KPNA3: variants seen among roughly 807,000 people sequenced by gnomAD.
KPNA3 encodes karyopherin subunit alpha 3, also known as importin subunit alpha-4.
A neutral mutation model predicts 73.8 loss-of-function variants in KPNA3; 13 were observed. The observed-to-expected ratio is 0.18, with a 90% CI of 0.11 to 0.28. The LOEUF (loss-of-function observed/expected upper bound fraction) is 0.28. Ranked by LOEUF, KPNA3 falls within the 10% of genes least tolerant of loss-of-function variation. KPNA3 has a pLI of 1.00. For synonymous variants in KPNA3, 186 were observed against 206.9 expected (o/e 0.90, Z 0.87); for missense variants, 360 against 618.1 (o/e 0.58, Z 4.43).
intron 1 of KPNA3, among the ~76,000 whole-genome samples, chr13:49,749,232 C>T (rs959681937): frequency 9.2e-5 from 14 of 152,194 alleles, no homozygotes; most frequent in Admixed American, 6.5e-5. Context: ...GGAAACCACA[C>T]TTAAGAGGTG....
At position 49,705,715 on chromosome 13, in the gene KPNA3, T is replaced by C. The variant is rs1158602481; in HGVS notation, c.1278A>G (p.Gln426=). 6.2e-7 allele frequency: 1 copy of C among 1,614,086 alleles called. No individual in the cohort carries two copies. The highest frequency in any genetic ancestry group is 8.5e-7 in the Non-Finnish European group (1 of 1,179,926). Residue 426 remains glutamine, a synonymous_variant, in exon 15 of 17, where the codon CAA becomes CAG. Transcript: ENST00000261667. The part of the protein sequence containing the change: ...FCNLLSVKDS[Q]VVQVVLDGLK... ...GACCATCTAGAACCACCTGAACCAC[T>C]TGAGAATCTTTCACTGACAGTAAAT...
rs183925329 is a variant in KPNA3, at chr13:49,775,647, C to T, written c.69+16791G>A. 1.1e-3 allele frequency among the ~76,000 whole-genome samples: 175 copies of T among 152,266 alleles called. 1 individual carries two copies. Among genetic ancestry groups the T allele is most frequent in the African/African-American group, 4.0e-3 (168 of 41,564 alleles). On this transcript the variant is annotated intron_variant, in intron 1 of 16. Coordinates refer to ENST00000261667, the MANE Select transcript of KPNA3 (RefSeq NM_002267.4). ...CAAATCTCTAAGGCTGTAATTCACACCTATCTTTTCTCTGTGTTCCCAAAC... is the reference window on the plus strand; with the variant it reads ...CAAATCTCTAAGGCTGTAATTCACATCTATCTTTTCTCTGTGTTCCCAAAC...
chr13:49,723,887 A>C (rs577768590), intron 7 of KPNA3, among the ~76,000 whole-genome samples: 1 of 151,398 alleles, frequency 6.6e-6, no homozygotes, highest in African/African-American at 2.4e-5. Context: ...AAAAAAAAGA[A>C]AAGAAAAAAG....
At chr13:49,750,123 CA>C (rs764362635) in intron 1 of KPNA3, among the ~76,000 whole-genome samples, 10 of 152,164 alleles carry the variant, frequency 6.6e-5, no homozygotes, top group Non-Finnish European at 1.5e-4. Context: ...ATACATTGGG[CA>C]ATACATTTGC....
chr13:49,792,453 C>G lies in KPNA3; in HGVS notation c.54G>C (p.Lys18Asn), dbSNP rs779399471. Residue 18 changes from lysine (K) to asparagine (N), a missense_variant, in exon 1 of 17, where the codon AAG becomes AAC. By Grantham distance (94) the Lys-to-Asn change is moderately conservative. Transcript: ENST00000261667. The part of the protein sequence containing the change: ...ENHRIKSFKN[K>N]GRDVETMRRH... ...GCACACTCACTTCCACATCGCGGCCCTTGTTCTTGAAGCTCTTGATGCGGT... is the reference window on the plus strand; with the variant it reads ...GCACACTCACTTCCACATCGCGGCCGTTGTTCTTGAAGCTCTTGATGCGGT... 6.3e-7 allele frequency: 1 copy of G among 1,580,232 alleles called. No individual in the cohort carries two copies. Among genetic ancestry groups the G allele is most frequent in the Non-Finnish European group, 8.6e-7 (1 of 1,165,020 alleles).
chr13:49,740,691 T>TTA (rs1954565835), intron 2 of KPNA3, among the ~76,000 whole-genome samples: 2 of 152,190 alleles, frequency 1.3e-5, no homozygotes, highest in South Asian at 4.1e-4. Flanking sequence ...AGGTATGTCT[T>TTA]TATCAGCAAC....
At chr13:49,789,411 C>A (rs1471988693) in intron 1 of KPNA3, among the ~76,000 whole-genome samples, 3 of 152,088 alleles carry the variant, frequency 2.0e-5, no homozygotes, top group African/African-American at 7.2e-5. Flanking sequence ...AATTTTCTTC[C>A]TCAACCCTCT....
chr13:49,751,577 A>T (rs998748655), intron 1 of KPNA3, among the ~76,000 whole-genome samples: 1 of 152,174 alleles, frequency 6.6e-6, no homozygotes, highest in African/African-American at 2.4e-5. Context: ...CACACAAAAA[A>T]TGTCATCAGA....
rs368388227 is a variant in KPNA3, at chr13:49,709,435, C to T, written c.1032+137G>A. 222 of 584,962 alleles carry T rather than the reference C, an allele frequency of 3.8e-4. 5 individuals are homozygous for T. The South Asian group carries it at 6.6e-3, about 17-fold the overall frequency. 36.2% of individuals were successfully genotyped at this position (584,962 alleles called of 1,614,324 possible). A position where few individuals can be genotyped will look rare whatever the true frequency, so the allele number is the denominator to read the frequency against. On this transcript the variant is annotated intron_variant, in intron 12 of 16. Transcript: ENST00000261667. The stretch of plus-strand genomic sequence containing the variant: ...AAAAAAAGTTGAAGAAAAACATTTG[C>T]AGAGGTGATTTAAAATAATTCTCAT...
intron 1 of KPNA3, among the ~76,000 whole-genome samples, chr13:49,769,170 C>G (rs867831141): frequency 6.6e-6 from 1 of 152,314 alleles, no homozygotes; most frequent in South Asian, 2.1e-4. Context: ...TGCACCATTA[C>G]TAGAAGCCAG....
chr13:49,724,851 C>A (rs1454197387), intron 7 of KPNA3, among the ~76,000 whole-genome samples: 1 of 152,214 alleles, frequency 6.6e-6, no homozygotes, highest in Admixed American at 6.5e-5. Context: ...CTTGCCTTAG[C>A]CTCCCAAAGT....
intron 2 of KPNA3, among the ~76,000 whole-genome samples, chr13:49,741,700 C>T (rs1438605221): frequency 2.0e-5 from 3 of 152,166 alleles, no homozygotes; most frequent in African/African-American, 2.4e-5. Flanking sequence ...GTGATCCGCC[C>T]GCCTCGGCCT....
At chr13:49,738,697 C>G (rs1028558308) in intron 2 of KPNA3, among the ~76,000 whole-genome samples, 1 of 152,188 alleles carries the variant, frequency 6.6e-6, no homozygotes, top group African/African-American at 2.4e-5. Context: ...TGTGACCTTG[C>G]TAAACTCACC....
intron 1 of KPNA3, among the ~76,000 whole-genome samples, chr13:49,752,477 T>C (rs1954671297): frequency 6.6e-6 from 1 of 152,098 alleles, no homozygotes; most frequent in South Asian, 2.1e-4. Flanking sequence ...ATTGAAAGCC[T>C]ACTGAAAAGA....
At chr13:49,792,389 C>T in intron 1 of KPNA3, 49 bp downstream of exon 1, 2 of 1,420,544 alleles carry the variant, frequency 1.4e-6, no homozygotes, top group East Asian at 5.7e-5. Context: ...CTCCCCGCGT[C>T]GCCGGGCCGG....
intron 1 of KPNA3, among the ~76,000 whole-genome samples, chr13:49,790,368 A>G (rs1955022794): frequency 6.6e-6 from 1 of 152,192 alleles, no homozygotes; most frequent in Non-Finnish European, 1.5e-5. Flanking sequence ...TTGGGAGGCC[A>G]TGGTGGGAAG....
At chr13:49,729,004 C>T (rs563229413) in intron 6 of KPNA3, among the ~76,000 whole-genome samples, 12 of 152,220 alleles carry the variant, frequency 7.9e-5, no homozygotes, top group East Asian at 5.8e-4. Flanking sequence ...AAAAAGACTG[C>T]GCTGACATGG....
chr13:49,768,232 T>TCG (rs1440791418), intron 1 of KPNA3, among the ~76,000 whole-genome samples: 1 of 140,384 alleles, frequency 7.1e-6, no homozygotes, highest in Admixed American at 7.8e-5. Context: ...TGAGCCAAGA[T>TCG]CGCGCCACTG....
chr13:49,704,373 TTACAC>T (rs1250217869), intron 15 of KPNA3, among the ~76,000 whole-genome samples: 2 of 149,310 alleles, frequency 1.3e-5, no homozygotes, highest in Non-Finnish European at 3.0e-5. Flanking sequence ...CGGTGAGCCA[TTACAC>T]TCCAGCCTGG....
Sources: allele counts gnomAD v4.1 joint callset (sites outside exome capture counted in the v4.1 genomes callset), GRCh38; gene constraint gnomAD v4.1.1; transcripts MANE v1.5; gene names NCBI Gene and HGNC (gene_info 2026-07-23, HGNC 2026-07-21).